The following KIF1B variants were observed in gnomAD, a reference collection of about 807,000 sequenced individuals.
The protein encoded by KIF1B is kinesin-like protein KIF1B.
Under a neutral mutation model 241.9 loss-of-function variants are expected in KIF1B, and 76 were observed. The observed-to-expected ratio is 0.31, with a 90% CI of 0.26 to 0.38. The LOEUF (loss-of-function observed/expected upper bound fraction) is 0.38. KIF1B is among the 10% of genes least tolerant of loss of function. KIF1B has a pLI of 1.00. For synonymous variants in KIF1B, 750 were observed against 796.7 expected (o/e 0.94, Z 0.99); for missense variants, 1,622 against 2,271.4 (o/e 0.71, Z 5.81).
rs1310342922 is a variant in KIF1B, at chr1:10,343,145, A to G, written c.3633-87A>G. 6.4e-6 allele frequency: 9 copies of G among 1,402,824 alleles called. No individual in the cohort carries two copies. In the East Asian group the frequency reaches 1.9e-4, roughly 30 times the overall value. The allele number at this position is 1,402,824 out of a possible 1,614,324, so 86.9% of individuals were successfully genotyped here. ...TTGTGAAACCCCTAAAGAGAAGGAAATTCAATTTGCAGTCCAGCACAAAGG... is the reference window on the plus strand; with the variant it reads ...TTGTGAAACCCCTAAAGAGAAGGAAGTTCAATTTGCAGTCCAGCACAAAGG... On this transcript the variant is annotated intron_variant, in intron 33 of 48. Coordinates refer to ENST00000676179, the MANE Select transcript of KIF1B (RefSeq NM_001365951.3).
In KIF1B at chr1:10,303,551, C is replaced by T; in HGVS notation, c.2115+6305C>T. The stretch of plus-strand genomic sequence containing the variant: ...GAGCGGGACTCCTGGAGGGCAGTGG[C>T]CAGGGACGTCTGGGATACCGTCGGT... On this transcript the variant is annotated intron_variant, in intron 22 of 48. Coordinates refer to ENST00000676179, the MANE Select transcript of KIF1B (RefSeq NM_001365951.3). The surrounding 1 kb of genome is among the most constrained non-coding windows in gnomAD (Gnocchi z 5.2). 1 of 1,614,088 alleles carries T rather than the reference C, an allele frequency of 6.2e-7. No homozygotes were observed. The highest frequency in any genetic ancestry group is 1.1e-5 in the South Asian group (1 of 91,066).
chr1:10,273,560 C>G (rs970222852), intron 10 of KIF1B, among the ~76,000 whole-genome samples: 1 of 151,942 alleles, frequency 6.6e-6, no homozygotes, highest in African/African-American at 2.4e-5. Flanking sequence ...TCTGTGCAAT[C>G]TAAAATTGAA....
In KIF1B at chr1:10,351,737, A is replaced by AG. The variant is rs575789794; in HGVS notation, c.3950-892dup. ...TCCCAGCACTTTGGGAGGCCAAGGC[A>AG]GGAGGATCGTTTGAGCTCAGGAGTT... On this transcript the variant is annotated intron_variant, in intron 37 of 48. Coordinates refer to ENST00000676179, the MANE Select transcript of KIF1B (RefSeq NM_001365951.3). 4.9e-4 allele frequency among the ~76,000 whole-genome samples: 74 copies of AG among 152,318 alleles called. 2 individuals are homozygous for AG. In the South Asian group the frequency reaches 0.015, roughly 31 times the overall value.
intron 15 of KIF1B, among the ~76,000 whole-genome samples, chr1:10,283,418 T>C (rs932184291): frequency 5.3e-5 from 8 of 152,224 alleles, no homozygotes; most frequent in African/African-American, 1.9e-4. Flanking sequence ...TACTGGCCTA[T>C]GGCTCCCAGC....
chr1:10,304,208 G>T (rs1021469354), intron 22 of KIF1B: 3 of 1,614,010 alleles, frequency 1.9e-6, no homozygotes, highest in African/African-American at 2.7e-5. Flanking sequence ...CAAGAAAAAG[G>T]GGGTAAAGGA....
chr1:10,334,937 GTGT>G (rs1652107991), intron 28 of KIF1B, among the ~76,000 whole-genome samples: 1 of 150,850 alleles, frequency 6.6e-6, no homozygotes, highest in African/African-American at 2.4e-5. Context: ...AGTCATTGGT[GTGT>G]TGTTTTTTTT....
At chr1:10,300,951 AGTG>A (rs1650511528) in intron 22 of KIF1B, among the ~76,000 whole-genome samples, 1 of 152,220 alleles carries the variant, frequency 6.6e-6, no homozygotes, top group Non-Finnish European at 1.5e-5. Flanking sequence ...AATACAAATC[AGTG>A]GCAAGATTTT....
chr1:10,222,560 T>C (rs1252944664), intron 1 of KIF1B, among the ~76,000 whole-genome samples: 1 of 152,252 alleles, frequency 6.6e-6, no homozygotes, highest in African/African-American at 2.4e-5. Context: ...TATTATTTCA[T>C]TCTTGTTTAT....
intron 7 of KIF1B, among the ~76,000 whole-genome samples, chr1:10,271,186 A>G (rs76624571): frequency 1.3e-5 from 2 of 150,722 alleles, no homozygotes; most frequent in African/African-American, 2.4e-5. Context: ...TTTTTTAATT[A>G]AAAAAAATTT....
rs574168097 is a variant in KIF1B, at chr1:10,339,802, G to T, written c.3456G>T (p.Thr1152=). The part of the protein sequence containing the change: ...FLHRHDEAFS[T]EPLKNNGRGS... ...ATCGCCATGATGAAGCATTCTCCAC[G>T]GAGCCCCTCAAAAACAATGGCAGAG... is the stretch of plus-strand genomic sequence containing the variant. Residue 1152 remains threonine, a synonymous_variant, in exon 32 of 49, where the codon ACG becomes ACT. Transcript: ENST00000676179. 2 of 1,613,946 alleles carry T rather than the reference G, an allele frequency of 1.2e-6. No individual in the cohort carries two copies. Among genetic ancestry groups the T allele is most frequent in the Non-Finnish European group, 1.7e-6 (2 of 1,179,990 alleles).
rs70998362 is a variant in KIF1B at position 10,216,957 on chromosome 1, C to CTTTTTTTTTTTTTT, written c.-80+6100_-80+6113dup. 1.3e-4 allele frequency among the ~76,000 whole-genome samples: 7 copies of CTTTTTTTTTTTTTT among 54,522 alleles called. 2 individuals carry two copies. In the East Asian group the frequency reaches 2.6e-3, roughly 20 times the overall value. 35.8% of individuals were successfully genotyped at this position (54,522 alleles called of 152,430 possible). A position where few individuals can be genotyped will look rare whatever the true frequency, so the allele number is the denominator to read the frequency against. ...TTTCCCTGCAGTACTTGCCCATTTT[C>CTTTTTTTTTTTTTT]TTTTTTTTTTTTTTTTTTTTTTTTT... On this transcript the variant is annotated intron_variant, in intron 1 of 48. Transcript: ENST00000676179.
rs2102358231 is a variant in KIF1B, at chr1:10,371,250, C to G, written c.4934C>G (p.Ser1645Cys). ...CPSLVDSRSN[S>C]LDQKTPEANS... ...TCTCTGGTAGACTCTAGGAGCAACT[C>G]TCTGGATCAGAAGTAAGTACCCAGA... Residue 1645 changes from serine (S) to cysteine (C), a missense_variant, in exon 45 of 49, where the codon TCT becomes TGT. By Grantham distance (112) the Ser-to-Cys change is moderately radical. Transcript: ENST00000676179. The G allele has an allele frequency of 1.9e-6, 3 of 1,614,188 alleles. No individual in the cohort carries two copies. The highest frequency in any genetic ancestry group is 2.2e-5 in the South Asian group (2 of 91,084).
intron 38 of KIF1B, 117 bp downstream of exon 38, chr1:10,352,853 C>T: frequency 1.4e-6 from 1 of 728,526 alleles, no homozygotes; most frequent in Non-Finnish European, 2.5e-6. Context: ...ACTCCCTTCT[C>T]CCTTCTAGCT....
At chr1:10,331,796 G>C (rs1295106444) in intron 27 of KIF1B, among the ~76,000 whole-genome samples, 3 of 152,204 alleles carry the variant, frequency 2.0e-5, no homozygotes, top group Non-Finnish European at 2.9e-5. Flanking sequence ...ATCATAGTAG[G>C]AACTAGATTC....
In KIF1B at chr1:10,369,045, G is replaced by A. The variant is rs115254676; in HGVS notation, c.4824+507G>A. 9.9e-3 allele frequency among the ~76,000 whole-genome samples: 1,502 copies of A among 152,136 alleles called. 19 individuals are homozygous for A. The highest frequency in any genetic ancestry group is 0.034 in the African/African-American group (1,409 of 41,480). ...TTTGCCTGGAATTGCCTTTCTCCAG[G>A]TATTGCCATGGTTGGCTCCCTTACC... On this transcript the variant is annotated intron_variant, in intron 44 of 48. Transcript: ENST00000676179.
chr1:10,219,867 G>A (rs540549223), intron 1 of KIF1B, among the ~76,000 whole-genome samples: 156 of 152,046 alleles, frequency 1.0e-3, no homozygotes, highest in Middle Eastern at 6.9e-3. Context: ...CAATAGTTCG[G>A]TATCAGCCTG....
intron 23 of KIF1B, among the ~76,000 whole-genome samples, chr1:10,320,571 A>C (rs894899960): frequency 3.3e-5 from 5 of 152,190 alleles, no homozygotes; most frequent in Admixed American, 6.5e-5. Context: ...AGCATTTCTT[A>C]GTTGAGTTAG....
intron 38 of KIF1B, among the ~76,000 whole-genome samples, chr1:10,358,372 G>A (rs766132889): frequency 1.1e-4 from 17 of 152,248 alleles, no homozygotes; most frequent in Admixed American, 2.0e-4. Flanking sequence ...GAGGTGCCAC[G>A]TTATGGTTTG....
chr1:10,313,169 G>A (rs1226661440), intron 22 of KIF1B, among the ~76,000 whole-genome samples: 1 of 151,220 alleles, frequency 6.6e-6, no homozygotes, highest in Non-Finnish European at 1.5e-5. Context: ...TGGTTCAAGC[G>A]ATTCTTGTGG....
Sources: allele counts gnomAD v4.1 joint callset (sites outside exome capture counted in the v4.1 genomes callset), GRCh38; gene constraint gnomAD v4.1.1; non-coding constraint Gnocchi (gnomAD v3.1); transcripts MANE v1.5; gene names NCBI Gene and HGNC (gene_info 2026-07-23, HGNC 2026-07-21).